The following PDE8B variants were observed in gnomAD, a reference collection of about 807,000 sequenced individuals.
PDE8B encodes the protein phosphodiesterase 8B, also known as high affinity cAMP-specific and IBMX-insensitive 3',5'-cyclic phosphodiesterase 8B.
PDE8B carries 26 observed loss-of-function variants against 101.3 expected under a neutral mutation model. The observed-to-expected ratio is 0.26, with a 90% CI of 0.19 to 0.36. The LOEUF (loss-of-function observed/expected upper bound fraction) is 0.36, where lower values mean the gene tolerates loss of function less well. Among genes scored for constraint, PDE8B ranks in the 10% least tolerant of loss-of-function variants. The pLI, the probability that PDE8B is intolerant of heterozygous loss-of-function variation, is 1.00. For missense variants in PDE8B, 810 were observed against 1,163.1 expected, an observed-to-expected ratio of 0.70 and a Z score of 4.42; for synonymous variants, 424 against 429.3, an observed-to-expected ratio of 0.99 and a Z score of 0.15.
chr5:77,406,103 A>C (rs758817716), intron 12 of PDE8B, among the ~76,000 whole-genome samples: 2 of 152,122 alleles, frequency 1.3e-5, no homozygotes, highest in Non-Finnish European at 2.9e-5. Flanking sequence ...CCTGATCAAC[A>C]TGGTGAAACC....
At chr5:77,186,538 T>G in the PDE8B span, among the ~76,000 whole-genome samples, 1 of 152,204 alleles carries the variant, frequency 6.6e-6, no homozygotes, top group East Asian at 1.9e-4. Flanking sequence ...GGAAGATGAC[T>G]GCAGACTTAC....
At chr5:77,314,501 T>C (rs931353535) in intron 2 of PDE8B, among the ~76,000 whole-genome samples, 19 of 152,080 alleles carry the variant, frequency 1.2e-4, no homozygotes, top group Non-Finnish European at 1.9e-4. Flanking sequence ...ATGTTAACAA[T>C]TTTGTTTTCC....
At chr5:77,275,489 G>A (rs1763675748) in intron 1 of PDE8B, among the ~76,000 whole-genome samples, 1 of 151,984 alleles carries the variant, frequency 6.6e-6, no homozygotes, top group Admixed American at 6.6e-5. Context: ...TTCTTGTGAG[G>A]GTGCAACACA....
chr5:77,172,778 A>G, the PDE8B span, among the ~76,000 whole-genome samples: 13 of 152,326 alleles, frequency 8.5e-5, no homozygotes, highest in South Asian at 2.7e-3. Flanking sequence ...CTGCTGAGGG[A>G]GCAACAGGAA....
the PDE8B span, among the ~76,000 whole-genome samples, chr5:77,092,267 T>G: frequency 6.6e-6 from 1 of 152,208 alleles, no homozygotes; most frequent in Non-Finnish European, 1.5e-5. Context: ...ATTTTCTAAA[T>G]TCTTAAATTT....
At chr5:77,106,485 T>C in the PDE8B span, among the ~76,000 whole-genome samples, 1 of 152,236 alleles carries the variant, frequency 6.6e-6, no homozygotes, top group East Asian at 1.9e-4. Flanking sequence ...TTCTGGACTG[T>C]CTCTGCCACA....
intron 6 of PDE8B, among the ~76,000 whole-genome samples, chr5:77,341,655 G>A: frequency 6.6e-6 from 1 of 152,194 alleles, no homozygotes; most frequent in East Asian, 1.9e-4. Flanking sequence ...CTGAAAGACA[G>A]CTGCTGCCCA....
intron 1 of PDE8B, among the ~76,000 whole-genome samples, chr5:77,285,151 A>G: frequency 6.6e-6 from 1 of 152,196 alleles, no homozygotes; most frequent in Non-Finnish European, 1.5e-5. Flanking sequence ...AGTCCAAGAA[A>G]TCTTTTCCTA....
the PDE8B span, chr5:77,180,387 T>A: frequency 1.0e-6 from 1 of 956,966 alleles, no homozygotes; most frequent in Admixed American, 6.2e-5. Context: ...CGGTGCCCTC[T>A]GTGCGGGGCT....
chr5:77,191,375 C>T, the PDE8B span, among the ~76,000 whole-genome samples: 7 of 148,976 alleles, frequency 4.7e-5, no homozygotes, highest in African/African-American at 1.2e-4. Flanking sequence ...TTTTTTGAGA[C>T]GGAGTCTCAC....
intron 10 of PDE8B, among the ~76,000 whole-genome samples, chr5:77,378,009 T>TACATACACACACAC (rs1554093059): frequency 1.5e-5 from 2 of 134,486 alleles, no homozygotes; most frequent in East Asian, 4.4e-4. Context: ...CCTCTCTCTC[T>TACATACACACACAC]ACACACACAC....
At chr5:77,235,370 C>T (rs180808728) in intron 1 of PDE8B, among the ~76,000 whole-genome samples, 8 of 152,316 alleles carry the variant, frequency 5.3e-5, no homozygotes, top group Admixed American at 5.2e-4. Flanking sequence ...CATTTTGCCT[C>T]CATTTGCTGT....
chr5:77,122,268 A>G, the PDE8B span, among the ~76,000 whole-genome samples: 122 of 152,294 alleles, frequency 8.0e-4, no homozygotes, highest in African/African-American at 2.8e-3. Flanking sequence ...TGAATCTTCT[A>G]TGTCCTAGAC....
At chr5:77,222,616 C>T (rs952177317) in intron 1 of PDE8B, among the ~76,000 whole-genome samples, 7 of 152,126 alleles carry the variant, frequency 4.6e-5, no homozygotes, top group East Asian at 1.9e-4. Context: ...TTCCACGTTT[C>T]GGGAGCTTCC....
chr5:77,411,345 A>AG (rs1179260783), intron 14 of PDE8B, among the ~76,000 whole-genome samples: 1 of 152,242 alleles, frequency 6.6e-6, no homozygotes, highest in Non-Finnish European at 1.5e-5. Flanking sequence ...ATCTGAAGCA[A>AG]GGTCACTCCT....
chr5:77,306,450 A>G (rs976453260), intron 1 of PDE8B, among the ~76,000 whole-genome samples: 4 of 152,186 alleles, frequency 2.6e-5, no homozygotes, highest in African/African-American at 9.6e-5. Context: ...GAGTAACAAA[A>G]TCAGTGCTAT....
At chr5:77,335,677 C>T (rs1016792134) in intron 5 of PDE8B, among the ~76,000 whole-genome samples, 3 of 152,072 alleles carry the variant, frequency 2.0e-5, no homozygotes, top group African/African-American at 7.2e-5. Flanking sequence ...TCCTCCTCCA[C>T]TTATATAGCT....
At chr5:77,317,532 G>GGT (rs1450969448) in intron 2 of PDE8B, among the ~76,000 whole-genome samples, 1 of 152,200 alleles carries the variant, frequency 6.6e-6, no homozygotes, top group Non-Finnish European at 1.5e-5. Flanking sequence ...AGTGCAGAGT[G>GGT]GTGCTGTGGA....
the PDE8B span, among the ~76,000 whole-genome samples, chr5:77,201,381 C>A: frequency 2.6e-5 from 4 of 152,174 alleles, no homozygotes; most frequent in African/African-American, 9.7e-5. Context: ...GAACATGTAC[C>A]ATTTCTCGTT....
Sources: gnomAD v4.1 joint callset for allele counts (sites outside exome capture counted in the v4.1 genomes callset) on GRCh38, gnomAD v4.1.1 for gene constraint, MANE v1.5 for transcripts, NCBI Gene and HGNC (gene_info 2026-07-23, HGNC 2026-07-21) for gene names.